CC2D2A: variants seen among roughly 807,000 people sequenced by gnomAD.
CC2D2A encodes the protein coiled-coil and C2 domain containing 2A, also known as coiled-coil and C2 domain-containing protein 2A.
In CC2D2A, 155 loss-of-function variants were observed where a neutral mutation model predicts 212.9. The ratio of observed to expected loss-of-function variants is 0.73; its 90% CI spans 0.64 to 0.83. The LOEUF (loss-of-function observed/expected upper bound fraction) is 0.83, where lower values mean the gene tolerates loss of function less well. Among genes scored for constraint, CC2D2A ranks in the 40% least tolerant of loss-of-function variants. CC2D2A has a pLI of 0.00. For missense variants in CC2D2A, 1,856 were observed against 1,956.2 expected, an observed-to-expected ratio of 0.95 and a Z score of 0.97; for synonymous variants, 667 against 686.5, an observed-to-expected ratio of 0.97 and a Z score of 0.44.
intron 18 of CC2D2A, 108 bp from the exon 19 acceptor site, chr4:15,553,050 C>A: frequency 1.1e-6 from 1 of 925,894 alleles, no homozygotes; most frequent in Non-Finnish European, 1.5e-6. Flanking sequence ...CCATCTTCAT[C>A]ACCCCCACCC....
intron 30 of CC2D2A, among the ~76,000 whole-genome samples, chr4:15,581,646 C>T (rs1720668687): frequency 6.6e-6 from 1 of 152,150 alleles, no homozygotes; most frequent in Non-Finnish European, 1.5e-5. Flanking sequence ...AGGAACACTG[C>T]CTGTCTCAGT....
chr4:15,494,404 G>A (rs991002462), intron 4 of CC2D2A, among the ~76,000 whole-genome samples: 11 of 152,096 alleles, frequency 7.2e-5, no homozygotes, highest in Admixed American at 6.5e-4. Flanking sequence ...GGGAGAACTA[G>A]AAAAAAAGAT....
chr4:15,525,683 G>T (rs1055563330), intron 11 of CC2D2A, among the ~76,000 whole-genome samples: 40 of 152,290 alleles, frequency 2.6e-4, no homozygotes, highest in African/African-American at 9.4e-4. Context: ...TCCAAGTGAA[G>T]ATTCTTGGAA....
intron 1 of CC2D2A, among the ~76,000 whole-genome samples, chr4:15,472,118 G>T (rs1210737057): frequency 1.3e-5 from 2 of 152,216 alleles, no homozygotes; most frequent in Non-Finnish European, 2.9e-5. Flanking sequence ...TGGTGAGATG[G>T]AGGGGTAGAG....
intron 32 of CC2D2A, 121 bp from the exon 33 acceptor site, chr4:15,589,424 T>C (rs1182350648): frequency 1.1e-6 from 1 of 912,406 alleles, no homozygotes; most frequent in Non-Finnish European, 1.6e-6. Flanking sequence ...GTTTTCACCA[T>C]TAACCATGAA....
chr4:15,558,152 T>C (rs1303310551), intron 21 of CC2D2A, among the ~76,000 whole-genome samples: 12 of 152,182 alleles, frequency 7.9e-5, no homozygotes, highest in Admixed American at 6.5e-4. Context: ...GCATGCACTT[T>C]TTTTTTCTTT....
intron 23 of CC2D2A, among the ~76,000 whole-genome samples, chr4:15,561,800 T>C (rs1719616044): frequency 6.6e-6 from 1 of 152,112 alleles, no homozygotes; most frequent in African/African-American, 2.4e-5. Flanking sequence ...AACAAAGTTC[T>C]GTCTCTGAGG....
intron 1 of CC2D2A, among the ~76,000 whole-genome samples, chr4:15,471,029 G>A (rs1713778814): frequency 6.6e-6 from 1 of 151,932 alleles, no homozygotes; most frequent in African/African-American, 2.4e-5. Flanking sequence ...GCTCAAATAT[G>A]GTACTCATGT....
At chr4:15,513,819 A>C (rs1441053544) in intron 8 of CC2D2A, among the ~76,000 whole-genome samples, 2 of 152,190 alleles carry the variant, frequency 1.3e-5, no homozygotes, top group African/African-American at 4.8e-5. Flanking sequence ...TCTTCAAGTT[A>C]AGTTAAAAGC....
chr4:15,515,409 T>C (rs1050820334), intron 9 of CC2D2A, among the ~76,000 whole-genome samples: 4 of 152,304 alleles, frequency 2.6e-5, no homozygotes, highest in Middle Eastern at 3.4e-3. Flanking sequence ...GAGGTAATGA[T>C]CACGTTCAAT....
intron 8 of CC2D2A, among the ~76,000 whole-genome samples, chr4:15,512,575 T>A (rs1357093058): frequency 6.6e-6 from 1 of 152,194 alleles, no homozygotes; most frequent in African/African-American, 2.4e-5. Flanking sequence ...TTAATGGGTA[T>A]AGAATTTCAG....
chr4:15,485,174 A>T lies in CC2D2A; in HGVS notation c.247+4347A>T, dbSNP rs9998686. The stretch of plus-strand genomic sequence containing the variant: ...GCCTCTGGTAACCATCATTCTACTC[A>T]CTATCTCTATCAGATCAATTGTTTT... On this transcript the variant is annotated intron_variant, in intron 4 of 36. Coordinates refer to ENST00000424120, the MANE Select transcript of CC2D2A (RefSeq NM_001378615.1). Among the ~76,000 whole-genome samples the T allele has an allele frequency of 5.3e-5, 8 of 152,158 alleles. No homozygotes were observed. The South Asian group carries it at 1.7e-3, about 32-fold the overall frequency.
At chr4:15,507,542 G>A (rs1430903815) in intron 6 of CC2D2A, among the ~76,000 whole-genome samples, 2 of 152,180 alleles carry the variant, frequency 1.3e-5, no homozygotes, top group Non-Finnish European at 2.9e-5. Context: ...CACCAACTAT[G>A]TAGAGGCCAA....
chr4:15,473,969 AGGTGTCCATCAAGCAGATACTTGAGTCT>A (rs1437887169), intron 1 of CC2D2A, among the ~76,000 whole-genome samples: 1 of 152,202 alleles, frequency 6.6e-6, no homozygotes, highest in Non-Finnish European at 1.5e-5. Flanking sequence ...AGCCAAGTGA[AGGTGTCCATCAAGCAGATACTTGAGTCT>A]GGAGTTCTGG....
In CC2D2A at chr4:15,511,264, T is replaced by C. The variant is rs1302179878; in HGVS notation, c.558T>C (p.Pro186=). The C allele has an allele frequency of 2.5e-6, 4 of 1,599,218 alleles. No homozygotes were observed. The highest frequency in any genetic ancestry group is 3.4e-6 in the Non-Finnish European group (4 of 1,174,372). Residue 186 remains proline, a synonymous_variant, in exon 8 of 37, where the codon CCT becomes CCC. Transcript: ENST00000424120. ...TTCGTTAGGTTCCACCTGGCTTCCC[T>C]TCTGCAGAAGAGGCCTATAACTTCT... The part of the protein sequence containing the change: ...KPKPQVPPGF[P]SAEEAYNFFT...
rs797045437 is a variant in CC2D2A at position 15,597,431 on chromosome 4, TCAGA to T, written c.4465_4468del (p.Asp1489LysfsTer15). The T allele has an allele frequency of 1.7e-5, 26 of 1,553,158 alleles. No individual in the cohort carries two copies. In the East Asian group the frequency reaches 3.4e-4, roughly 20 times the overall value. Reference sequence around the variant, plus strand: ...GCCTGAAGAGCTAATTTACCAGCGCTCAGACAAAGCAGCTGCAGCTGAGCTACAA... The same window carrying T: ...GCCTGAAGAGCTAATTTACCAGCGCTCAAAGCAGCTGCAGCTGAGCTACAA... On this transcript the variant is annotated frameshift_variant, in exon 35 of 37. Coordinates refer to ENST00000424120, the MANE Select transcript of CC2D2A (RefSeq NM_001378615.1). LOFTEE classifies it high-confidence loss of function.
At chr4:15,497,570 G>A (rs1246429009) in intron 4 of CC2D2A, among the ~76,000 whole-genome samples, 1 of 152,124 alleles carries the variant, frequency 6.6e-6, no homozygotes, top group East Asian at 1.9e-4. Context: ...CAAAGATTTA[G>A]AGGAATTACC....
intron 24 of CC2D2A, among the ~76,000 whole-genome samples, chr4:15,566,047 G>A (rs911417455): frequency 1.3e-5 from 2 of 152,232 alleles, no homozygotes; most frequent in Non-Finnish European, 2.9e-5. Flanking sequence ...TATAGAAAGA[G>A]ACTATTTGTA....
chr4:15,516,333 G>T (rs1427130343), intron 10 of CC2D2A, among the ~76,000 whole-genome samples: 6 of 149,758 alleles, frequency 4.0e-5, no homozygotes, highest in Non-Finnish European at 7.4e-5. Flanking sequence ...TTTATTCTGT[G>T]TTTTTTTTTC....
Sources: gnomAD v4.1 joint callset for allele counts (sites outside exome capture counted in the v4.1 genomes callset) on GRCh38, gnomAD v4.1.1 for gene constraint, MANE v1.5 for transcripts, NCBI Gene and HGNC (gene_info 2026-07-23, HGNC 2026-07-21) for gene names.